Variants in PCDHA4 observed in about 807,000 individuals in gnomAD.
PCDHA4 encodes protocadherin alpha 4, also known as protocadherin alpha-4.
PCDHA4 carries 49 observed loss-of-function variants against 61.4 expected under a neutral mutation model. That is an observed-to-expected ratio of 0.80 (90% confidence interval 0.63 to 1.01). PCDHA4 has a LOEUF of 1.01. PCDHA4 is among the 50% of genes least tolerant of loss of function. PCDHA4 has a pLI of 0.00. For synonymous variants in PCDHA4, 590 were observed against 550.3 expected (o/e 1.07, Z -1.01); for missense variants, 1,254 against 1,235.8 (o/e 1.01, Z -0.22).
chr5:140,900,845 C>CT (rs1284280086), intron 1 of PCDHA4, among the ~76,000 whole-genome samples: 1 of 152,106 alleles, frequency 6.6e-6, no homozygotes, highest in Non-Finnish European at 1.5e-5. Context: ...CAAAGTTTCC[C>CT]TTTTTTTCAC....
At chr5:140,833,704 G>A (rs181961427) in intron 1 of PCDHA4, among the ~76,000 whole-genome samples, 1 of 152,174 alleles carries the variant, frequency 6.6e-6, no homozygotes, top group East Asian at 1.9e-4. Context: ...GTTTTCCCAA[G>A]AGAAGTGTCT....
chr5:140,808,597 G>C lies in PCDHA4; in HGVS notation c.1410G>C (p.Pro470=). 1.2e-6 allele frequency: 2 copies of C among 1,613,948 alleles called. No individual in the cohort carries two copies. Among genetic ancestry groups the C allele is most frequent in the Non-Finnish European group, 1.7e-6 (2 of 1,179,970 alleles). The change falls in exon 1 of 4, where the codon CCG becomes CCC. Residue 470 remains proline (P), a synonymous_variant. Transcript: ENST00000530339. Reference sequence around the variant, plus strand: ...TGTTCGTGAAGGAGAACAACCCGCCGGGCTGCCACATCTTCACTGTGTCTG... The same window carrying C: ...TGTTCGTGAAGGAGAACAACCCGCCCGGCTGCCACATCTTCACTGTGTCTG... ...YTVFVKENNP[P]GCHIFTVSAW...
intron 1 of PCDHA4, chr5:140,850,124 G>A: frequency 6.3e-7 from 1 of 1,595,944 alleles, no homozygotes; most frequent in Non-Finnish European, 8.6e-7. Context: ...CGGGCGTGCC[G>A]CCTCTGGGCA....
At chr5:140,973,586 C>T (rs1207651483) in intron 1 of PCDHA4, among the ~76,000 whole-genome samples, 2 of 152,176 alleles carry the variant, frequency 1.3e-5, no homozygotes, top group African/African-American at 4.8e-5. Context: ...GACTGCTGAG[C>T]CAGATGGAAT....
At chr5:140,872,005 G>A (rs961415529) in intron 1 of PCDHA4, among the ~76,000 whole-genome samples, 3 of 152,200 alleles carry the variant, frequency 2.0e-5, no homozygotes, top group Admixed American at 1.3e-4. Context: ...CTATTTACAG[G>A]TGACCTGTAG....
intron 1 of PCDHA4, among the ~76,000 whole-genome samples, chr5:140,896,022 G>A (rs940712653): frequency 6.6e-6 from 1 of 152,136 alleles, no homozygotes; most frequent in East Asian, 1.9e-4. Context: ...TGTTGGCCAG[G>A]CTGGTCTCGA....
At chr5:140,836,196 G>A (rs1480850746) in intron 1 of PCDHA4, 3 of 1,613,832 alleles carry the variant, frequency 1.9e-6, no homozygotes, top group Admixed American at 1.7e-5. Flanking sequence ...AGGCTACAAC[G>A]CGTGGCTTTC....
chr5:140,838,086 GTGT>G (rs1775518307), intron 1 of PCDHA4, among the ~76,000 whole-genome samples: 1 of 64,264 alleles, frequency 1.6e-5, no homozygotes, highest in Non-Finnish European at 3.1e-5. Context: ...TAGTGTGTGT[GTGT>G]GTGTGTGTGT....
intron 1 of PCDHA4, among the ~76,000 whole-genome samples, chr5:140,912,536 A>G (rs1554195402): frequency 2.0e-5 from 3 of 152,290 alleles, no homozygotes; most frequent in African/African-American, 4.8e-5. Flanking sequence ...GTACATGATC[A>G]TATTGTCAGC....
rs2150235080 is a variant in PCDHA4, at chr5:140,835,409, T to C, written c.2385+25837T>C. The C allele has an allele frequency of 2.5e-6, 4 of 1,613,874 alleles. No individual in the cohort carries two copies. In the East Asian group the frequency reaches 8.9e-5, roughly 36 times the overall value. On this transcript the variant is annotated intron_variant, in intron 1 of 3. Coordinates refer to ENST00000530339, the MANE Select transcript of PCDHA4 (RefSeq NM_018907.4). ...GTACAGTTCTTGTGGAAGTTGTGGA[T>C]GTAAATGACAATGCTCCACAGTTGA...
At chr5:140,829,702 G>C in intron 1 of PCDHA4, 4 of 1,613,390 alleles carry the variant, frequency 2.5e-6, no homozygotes, top group Non-Finnish European at 3.4e-6. Context: ...AGGTGAGCGC[G>C]CGCGACGCGG....
At chr5:140,969,112 A>G (rs781784282) in intron 1 of PCDHA4, 4 of 1,614,022 alleles carry the variant, frequency 2.5e-6, no homozygotes, top group Admixed American at 3.3e-5. Context: ...TTGAAGTTCG[A>G]GGGAATGGCT....
At chr5:140,834,504 C>T (rs2150219958) in intron 1 of PCDHA4, 3 of 1,614,130 alleles carry the variant, frequency 1.9e-6, no homozygotes, top group Non-Finnish European at 1.7e-6. Flanking sequence ...GGAGGCTAAA[C>T]ATGGCAACTT....
At chr5:140,949,263 C>G (rs1210516513) in intron 1 of PCDHA4, among the ~76,000 whole-genome samples, 1 of 151,714 alleles carries the variant, frequency 6.6e-6, no homozygotes, top group Non-Finnish European at 1.5e-5. Context: ...GAACATATCA[C>G]GTGCACTTGA....
chr5:141,001,114 A>G (rs1456437716), intron 3 of PCDHA4, among the ~76,000 whole-genome samples: 4 of 152,062 alleles, frequency 2.6e-5, no homozygotes, highest in Non-Finnish European at 4.4e-5. Flanking sequence ...TAAGCAATCA[A>G]TAGTCCTTAA....
intron 1 of PCDHA4, chr5:140,836,072 G>A (rs2150252005): frequency 6.2e-7 from 1 of 1,613,664 alleles, no homozygotes; most frequent in Non-Finnish European, 8.5e-7. Context: ...ACAACGCGCC[G>A]GCACTGCTGG....
At chr5:140,879,026 A>G (rs1381722750) in intron 1 of PCDHA4, among the ~76,000 whole-genome samples, 2 of 152,234 alleles carry the variant, frequency 1.3e-5, no homozygotes, top group Non-Finnish European at 2.9e-5. Context: ...GTTTTATTGA[A>G]GAGTGTCTTG....
intron 1 of PCDHA4, chr5:140,822,843 G>A: frequency 1.2e-6 from 2 of 1,614,190 alleles, no homozygotes; most frequent in South Asian, 2.2e-5. Context: ...CCCTTTTCCT[G>A]CCTGTCAAAG....
rs35680913 is a variant in PCDHA4 at position 140,961,887 on chromosome 5, GT to G, written c.2386-17048del. Among the ~76,000 whole-genome samples, 881 of 143,912 alleles carry G rather than the reference GT, an allele frequency of 6.1e-3. 6 individuals carry two copies. The highest frequency in any genetic ancestry group is 0.018 in the African/African-American group (705 of 39,388). The allele number at this position is 143,912 out of a possible 152,430, so 94.4% of individuals were successfully genotyped here. ...ACAGATAATTGACTTACTTACATCA[GT>G]TTTTTTTTTTTTTGAGATGGAGTCT... On this transcript the variant is annotated intron_variant, in intron 1 of 3. Coordinates refer to ENST00000530339, the MANE Select transcript of PCDHA4 (RefSeq NM_018907.4).
Sources: gnomAD v4.1 joint callset for allele counts (sites outside exome capture counted in the v4.1 genomes callset) on GRCh38, gnomAD v4.1.1 for gene constraint, MANE v1.5 for transcripts, NCBI Gene and HGNC (gene_info 2026-07-23, HGNC 2026-07-21) for gene names.